The following WDCP variants were observed in gnomAD, a reference collection of about 807,000 sequenced individuals.
WDCP encodes WD repeat and coiled coil containing.
In WDCP, 19 loss-of-function variants were observed where a neutral mutation model predicts 41.6. The observed-to-expected ratio is 0.46, with a 90% CI of 0.32 to 0.67. The LOEUF (loss-of-function observed/expected upper bound fraction) is 0.67, where lower values mean the gene tolerates loss of function less well. WDCP is among the 30% of genes least tolerant of loss of function. The pLI is 0.04. For missense variants in WDCP, 802 were observed against 850.7 expected (o/e 0.94, Z 0.71); for synonymous variants, 302 against 320.8 (o/e 0.94, Z 0.63).
Position 24,043,154 on chromosome 2 carries a change from C to T in WDCP, c.-18-3642G>A, listed in dbSNP as rs376374135. ...TTCGAGATCAGCCTGGCCAACATGG[C>T]GAAACCTCGTCTCTACTAAAAATAC... On this transcript the variant is annotated intron_variant, in intron 1 of 3. Coordinates refer to ENST00000295148, the MANE Select transcript of WDCP (RefSeq NM_025203.3). Among the ~76,000 whole-genome samples, 40 of 151,788 alleles carry T rather than the reference C, an allele frequency of 2.6e-4. 1 individual carries two copies. Among genetic ancestry groups the T allele is most frequent in the Non-Finnish European group, 2.6e-4 (18 of 67,968 alleles).
intron 1 of WDCP, among the ~76,000 whole-genome samples, chr2:24,043,518 C>A (rs963787987): frequency 7.2e-6 from 1 of 139,138 alleles, no homozygotes; most frequent in African/African-American, 2.8e-5. Context: ...AAACAAAAAA[C>A]CCCCCAACAA....
Position 24,038,263 on chromosome 2 carries a change from G to GT in WDCP, c.1231dup (p.Thr411AsnfsTer10), listed in dbSNP as rs768780446. 19 of 1,614,138 alleles carry GT rather than the reference G, an allele frequency of 1.2e-5. No individual in the cohort carries two copies. In the South Asian group the frequency reaches 2.1e-4, roughly 18 times the overall value. ...AGACTTTGAAGAAGGAAGAAATGTT[G>GT]TATCAGTGAGTTTTTGTTTTCCTAC... On this transcript the variant is annotated frameshift_variant, in exon 2 of 4. Coordinates refer to ENST00000295148, the MANE Select transcript of WDCP (RefSeq NM_025203.3). LOFTEE classifies it high-confidence loss of function.
intron 1 of WDCP, among the ~76,000 whole-genome samples, chr2:24,045,469 T>C (rs1573670731): frequency 6.6e-6 from 1 of 151,368 alleles, no homozygotes; most frequent in African/African-American, 2.4e-5. Flanking sequence ...GGCGTGGTGG[T>C]GTGTGCCTGT....
chr2:24,036,101 T>TAAATAAATAAATA (rs1553317302), intron 2 of WDCP, among the ~76,000 whole-genome samples: 1 of 148,288 alleles, frequency 6.7e-6, no homozygotes, highest in Admixed American at 6.7e-5. Flanking sequence ...AATAAATAAA[T>TAAATAAATAAATA]AAATAAAATA....
rs900236268 is a variant in WDCP at position 24,038,971 on chromosome 2, A to G, written c.524T>C (p.Val175Ala). 2 of 1,614,210 alleles carry G rather than the reference A, an allele frequency of 1.2e-6. No individual in the cohort carries two copies. Among genetic ancestry groups the G allele is most frequent in the Non-Finnish European group, 1.7e-6 (2 of 1,180,038 alleles). ...AATATAAGAATGCAGGCTGCTGCCT[A>G]CTGCCACCACCAGCCTCAGGCCATC... ...TQDGLRLVVAVGSSLHSYIWD... is the reference protein window; with the variant it reads ...TQDGLRLVVAAGSSLHSYIWD... Residue 175 changes from valine to alanine, a missense_variant, in exon 2 of 4, where the codon GTA becomes GCA. Around this residue, in one of 5 missense-constraint regions of WDCP, gnomAD observed 214 missense variants for 252.9 expected, o/e 0.85. Transcript: ENST00000295148.
rs1663069415 is a variant in WDCP at position 24,030,402 on chromosome 2, C to T, written c.*531G>A. ...TGGGAGGTCCAGGCAACATCAGAGC[C>T]ACTTCCTGTTCCTGAGAGCAGAAGC... On this transcript the variant is annotated 3_prime_UTR_variant, in exon 4 of 4. Transcript: ENST00000295148. The T allele has an allele frequency of 6.6e-6, 1 of 152,290 alleles. No homozygotes were observed. Among genetic ancestry groups the T allele is most frequent in the South Asian group, 2.1e-4 (1 of 4,844 alleles). 9.4% of individuals were successfully genotyped at this position (152,290 alleles called of 1,614,324 possible).
Position 24,039,048 on chromosome 2 carries a change from T to C in WDCP, c.447A>G (p.Val149=), listed in dbSNP as rs764206842. 1 of 1,614,178 alleles carries C rather than the reference T, an allele frequency of 6.2e-7. No individual in the cohort carries two copies. Among genetic ancestry groups the C allele is most frequent in the Non-Finnish European group, 8.5e-7 (1 of 1,180,046 alleles). The change falls in exon 2 of 4, where the codon GTA becomes GTG. Residue 149 remains valine (V), a synonymous_variant. Transcript: ENST00000295148. ...GGCCCTGGGTGTTGATGTCTGCCTT[T>C]ACCTGGGAATCATCAGAGTGAACAT... The part of the protein sequence containing the change: ...FPNVHSDDSQ[V]KADINTQGRI...
chr2:24,035,441 T>A (rs1663214681), intron 2 of WDCP, among the ~76,000 whole-genome samples: 1 of 151,874 alleles, frequency 6.6e-6, no homozygotes, highest in Non-Finnish European at 1.5e-5. Flanking sequence ...AAACATAGGG[T>A]AGGAATAAGA....
intron 3 of WDCP, among the ~76,000 whole-genome samples, chr2:24,032,196 AC>A (rs1466420772): frequency 2.0e-5 from 3 of 152,088 alleles, no homozygotes; most frequent in African/African-American, 7.2e-5. Flanking sequence ...ACAGAGTGAG[AC>A]CCCGTTATCT....
chr2:24,044,227 A>G (rs1193638110), intron 1 of WDCP, among the ~76,000 whole-genome samples: 1 of 149,336 alleles, frequency 6.7e-6, no homozygotes, highest in Non-Finnish European at 1.5e-5. Context: ...CAAGACAAGG[A>G]TTTGGGAATA....
At chr2:24,041,456 T>C (rs984481510) in intron 1 of WDCP, among the ~76,000 whole-genome samples, 16 of 152,234 alleles carry the variant, frequency 1.1e-4, no homozygotes, top group African/African-American at 3.9e-4. Context: ...GTTTAGCCTC[T>C]GAAAATGTTA....
At position 24,031,214 on chromosome 2, in the gene WDCP, T is replaced by C. The variant is rs754496764; in HGVS notation, c.1937-52A>G. Reference sequence around the variant, plus strand: ...AATTTAGTATATATTATTCTTATGATGAAACATATGACTACAAATTTTTTT... The same window carrying C: ...AATTTAGTATATATTATTCTTATGACGAAACATATGACTACAAATTTTTTT... On this transcript the variant is annotated intron_variant, in intron 3 of 3. Transcript: ENST00000295148. The C allele has an allele frequency of 2.9e-6, 4 of 1,368,500 alleles. No homozygotes were observed. The Admixed American group carries it at 8.3e-5, about 28-fold the overall frequency. 84.8% of individuals were successfully genotyped at this position (1,368,500 alleles called of 1,614,324 possible). A position where few individuals can be genotyped will look rare whatever the true frequency, so the allele number is the denominator to read the frequency against.
At position 24,037,887 on chromosome 2, in the gene WDCP, T is replaced by A. The variant is rs1663305448; in HGVS notation, c.1608A>T (p.Thr536=). ...RHSSTPDHTS[T]LEPPRLPQRK... Reference sequence around the variant, plus strand: ...TTTGAGGCAAACGAGGAGGCTCCAGTGTGCTGGTGTGGTCTGGTGTGCTGC... The same window carrying A: ...TTTGAGGCAAACGAGGAGGCTCCAGAGTGCTGGTGTGGTCTGGTGTGCTGC... The change falls in exon 2 of 4, where the codon ACA becomes ACT. Residue 536 remains threonine, a synonymous_variant. Coordinates refer to ENST00000295148, the MANE Select transcript of WDCP (RefSeq NM_025203.3). 6.2e-7 allele frequency: 1 copy of A among 1,614,050 alleles called. No individual in the cohort carries two copies. The highest frequency in any genetic ancestry group is 8.5e-7 in the Non-Finnish European group (1 of 1,180,030).
rs1211896104 is a variant in WDCP, at chr2:24,038,571, G to C, written c.924C>G (p.Tyr308Ter). 2 of 1,614,152 alleles carry C rather than the reference G, an allele frequency of 1.2e-6. No homozygotes were observed. Among genetic ancestry groups the C allele is most frequent in the Non-Finnish European group, 1.7e-6 (2 of 1,180,020 alleles). ...NSLICLRKKDYLTGTGQDSSH... is the reference protein window; with the variant it reads ...NSLICLRKKD ...AAGAATCTTGGCCAGTTCCTGTCAAGTAGTCCTTTTTTCTTAGACAAATAA... is the reference window on the plus strand; with the variant it reads ...AAGAATCTTGGCCAGTTCCTGTCAACTAGTCCTTTTTTCTTAGACAAATAA... Residue 308 changes from tyrosine (Y) to a stop codon, truncating the protein, a stop_gained, in exon 2 of 4, where the codon TAC (tyrosine) becomes TAG (stop). Coordinates refer to ENST00000295148, the MANE Select transcript of WDCP (RefSeq NM_025203.3). LOFTEE classifies it high-confidence loss of function.
intron 1 of WDCP, among the ~76,000 whole-genome samples, chr2:24,045,321 G>A (rs934724602): frequency 6.6e-6 from 1 of 152,306 alleles, no homozygotes; most frequent in East Asian, 1.9e-4. Flanking sequence ...GGCAGGGCAG[G>A]CTGGGTGTGG....
intron 1 of WDCP, among the ~76,000 whole-genome samples, chr2:24,042,605 A>G (rs1663480641): frequency 6.7e-6 from 1 of 149,984 alleles, no homozygotes; most frequent in Non-Finnish European, 1.5e-5. Context: ...GCTACTCAGG[A>G]GGCTGAGGCA....
Position 24,038,037 on chromosome 2 carries a change from A to C in WDCP, c.1458T>G (p.Ser486Arg). 2 of 1,614,150 alleles carry C rather than the reference A, an allele frequency of 1.2e-6. No individual in the cohort carries two copies. Among genetic ancestry groups the C allele is most frequent in the Non-Finnish European group, 1.7e-6 (2 of 1,180,008 alleles). The change falls in exon 2 of 4, where the codon AGT (serine) becomes AGG (arginine). Residue 486 changes from serine to arginine, a missense_variant. Physicochemically the swap from Ser to Arg is moderately radical, Grantham distance 110. Around this residue, in one of 5 missense-constraint regions of WDCP, gnomAD observed 321 missense variants for 305.1 expected, o/e 1.05. Coordinates refer to ENST00000295148, the MANE Select transcript of WDCP (RefSeq NM_025203.3). ...GTGTTCTTCCAGGCCTTCCATTCTG[A>C]CTACTGGTATTAACTGTCAGCAACA... is the stretch of plus-strand genomic sequence containing the variant. ...KGLLLTVNTS[S>R]QNGRPGRTLI...
rs1255049400 is a variant in WDCP at position 24,038,495 on chromosome 2, C to G, written c.1000G>C (p.Val334Leu). The G allele has an allele frequency of 1.2e-6, 2 of 1,614,232 alleles. No individual in the cohort carries two copies. Among genetic ancestry groups the G allele is most frequent in the East Asian group, 4.5e-5 (2 of 44,884 alleles). Reference sequence around the variant, plus strand: ...GGAACCAGAATGCCTGGAATAGTGACTTTTCTCGTCATGGTAACTGCCTTC... The same window carrying G: ...GGAACCAGAATGCCTGGAATAGTGAGTTTTCTCGTCATGGTAACTGCCTTC... ...FKKAVTMTRKVTIPGILVPDL... is the reference protein window; with the variant it reads ...FKKAVTMTRKLTIPGILVPDL... The change falls in exon 2 of 4, where the codon GTC becomes CTC. Residue 334 changes from valine (V) to leucine (L), a missense_variant. Transcript: ENST00000295148.
rs1663328155 is a variant in WDCP, at chr2:24,038,584, C to A, written c.911G>T (p.Arg304Ile). 6.2e-7 allele frequency: 1 copy of A among 1,613,636 alleles called. No individual in the cohort carries two copies. Among genetic ancestry groups the A allele is most frequent in the Non-Finnish European group, 8.5e-7 (1 of 1,179,884 alleles). ...KSEGNSLICL[R>I]KKDYLTGTGQ... ...AGTTCCTGTCAAGTAGTCCTTTTTT[C>A]TTAGACAAATAAGAGAATTACCCTC... Residue 304 changes from arginine (R) to isoleucine (I), a missense_variant, in exon 2 of 4, where the codon AGA (arginine) becomes ATA (isoleucine). Transcript: ENST00000295148.
Sources: gnomAD v4.1 joint callset for allele counts (sites outside exome capture counted in the v4.1 genomes callset) on GRCh38, gnomAD v4.1.1 for gene constraint, gnomAD v4.1.1 regional missense constraint, MANE v1.5 for transcripts, NCBI Gene and HGNC (gene_info 2026-07-23, HGNC 2026-07-21) for gene names.